DST: variants seen among roughly 807,000 people sequenced by gnomAD.
The protein encoded by DST is dystonin, also known as bullous pemphigoid antigen.
Under a neutral mutation model 875.2 loss-of-function variants are expected in DST, and 253 were observed. That is an observed-to-expected ratio of 0.29 (90% CI 0.26 to 0.32). The LOEUF (loss-of-function observed/expected upper bound fraction) is 0.32. DST is among the 10% of genes least tolerant of loss of function. DST has a pLI of 1.00. For missense variants in DST, 8,287 were observed against 9,111.6 expected (o/e 0.91, Z 3.68); for synonymous variants, 3,124 against 3,197.1 (o/e 0.98, Z 0.77).
chr6:56,542,346 C>A (rs1449965034), intron 61 of DST, among the ~76,000 whole-genome samples: 1 of 143,888 alleles, frequency 6.9e-6, no homozygotes, highest in Non-Finnish European at 1.5e-5. Context: ...GAAAAAAACA[C>A]CAGACTTTTA....
At chr6:56,636,856 C>T (rs1164350649) in intron 22 of DST, among the ~76,000 whole-genome samples, 1 of 152,058 alleles carries the variant, frequency 6.6e-6, no homozygotes, top group African/African-American at 2.4e-5. Flanking sequence ...CCAAGGCAGG[C>T]AGATCACCTG....
intron 2 of DST, among the ~76,000 whole-genome samples, chr6:56,946,827 A>C (rs1358764555): frequency 6.6e-6 from 1 of 152,202 alleles, no homozygotes; most frequent in Non-Finnish European, 1.5e-5. Flanking sequence ...ATAGGAGAGA[A>C]ATTTTAAAGG....
chr6:56,561,424 C>A lies in DST; in HGVS notation c.14194G>T (p.Glu4732Ter). 1 of 1,613,874 alleles carries A rather than the reference C, an allele frequency of 6.2e-7. No homozygotes were observed. ...KLSKLQKAQE[E>*]SSAMMQWLQK... ...AACCACTGCATCATTGCACTTGATT[C>A]TTCCTGAGCCTTTTGCAATTTGGAG... The change falls in exon 57 of 104, where the codon GAA becomes TAA. Residue 4732 changes from glutamate (E) to a stop codon, truncating the protein, a stop_gained. Transcript: ENST00000680361. LOFTEE classifies it high-confidence loss of function.
intron 17 of DST, among the ~76,000 whole-genome samples, chr6:56,640,996 T>A (rs2098892852): frequency 6.6e-6 from 1 of 152,200 alleles, no homozygotes; most frequent in Admixed American, 6.5e-5. Context: ...TATAGCATAA[T>A]ATGATCATTT....
chr6:56,597,032 G>A (rs1563066231), intron 47 of DST, among the ~76,000 whole-genome samples: 1 of 152,092 alleles, frequency 6.6e-6, no homozygotes, highest in Admixed American at 6.6e-5. Flanking sequence ...TTGAGCCCAG[G>A]ACTTCGAGAG....
chr6:56,776,729 A>G (rs75692122), intron 4 of DST, among the ~76,000 whole-genome samples: 9,386 of 152,244 alleles, frequency 0.062, 910 homozygotes, highest in African/African-American at 0.21. Context: ...GATTCACAAT[A>G]AAAAATATTG....
intron 9 of DST, chr6:56,692,274 G>A: frequency 2.0e-6 from 1 of 501,968 alleles, no homozygotes; most frequent in South Asian, 2.2e-5. Context: ...AAACTCTATG[G>A]CTTTTACATA....
intron 36 of DST, chr6:56,620,788 T>C (rs1563249544): frequency 7.2e-7 from 1 of 1,395,946 alleles, no homozygotes; most frequent in Non-Finnish European, 1.0e-6. Context: ...TCAATGTTCA[T>C]AAAAGTACTT....
intron 4 of DST, among the ~76,000 whole-genome samples, chr6:56,787,134 A>T (rs980318304): frequency 1.2e-4 from 18 of 152,216 alleles, no homozygotes; most frequent in Admixed American, 1.1e-3. Context: ...GACACAAAAA[A>T]TGGTCAAACT....
Position 56,628,182 on chromosome 6 carries a change from T to A in DST, c.4476-21A>T, listed in dbSNP as rs1362208756. 3 of 1,608,970 alleles carry A rather than the reference T, an allele frequency of 1.9e-6. No individual in the cohort carries two copies. The East Asian group carries it at 6.7e-5, about 36-fold the overall frequency. Reference sequence around the variant, plus strand: ...GTAACCTAAGAGAATAGTAACCGAATAGTCACGGTGTCCAGCGATATCCAT... The same window carrying A: ...GTAACCTAAGAGAATAGTAACCGAAAAGTCACGGTGTCCAGCGATATCCAT... On this transcript the variant is annotated intron_variant, in intron 32 of 103. Coordinates refer to ENST00000680361, the MANE Select transcript of DST (RefSeq NM_001374736.1).
At chr6:56,596,643 G>A (rs912974252) in intron 47 of DST, among the ~76,000 whole-genome samples, 1 of 152,028 alleles carries the variant, frequency 6.6e-6, no homozygotes, top group Non-Finnish European at 1.5e-5. Context: ...GGTTTAATTT[G>A]TATTTTCTAT....
Position 56,496,724 on chromosome 6 carries a change from T to C in DST, c.20223+655A>G, listed in dbSNP as rs1310278214. Among the ~76,000 whole-genome samples, 4 of 152,284 alleles carry C rather than the reference T, an allele frequency of 2.6e-5. No homozygotes were observed. The East Asian group carries it at 5.8e-4, about 22-fold the overall frequency. On this transcript the variant is annotated intron_variant, in intron 82 of 103. Coordinates refer to ENST00000680361, the MANE Select transcript of DST (RefSeq NM_001374736.1). ...CTAAAACATACTGACACACTAACCTTTGTGGCACTGTTCACAATAGCAAAG... is the reference window on the plus strand; with the variant it reads ...CTAAAACATACTGACACACTAACCTCTGTGGCACTGTTCACAATAGCAAAG...
chr6:56,620,239 A>T, intron 36 of DST: 3 of 1,613,906 alleles, frequency 1.9e-6, no homozygotes, highest in Non-Finnish European at 2.5e-6. Context: ...GTTGCTCCAA[A>T]TCATTGAGAC....
intron 2 of DST, among the ~76,000 whole-genome samples, chr6:56,938,488 A>C (rs1383202804): frequency 6.6e-6 from 1 of 152,176 alleles, no homozygotes; most frequent in East Asian, 1.9e-4. Context: ...CATACATATG[A>C]AAGCCAAGAA....
intron 8 of DST, among the ~76,000 whole-genome samples, chr6:56,700,414 T>C (rs952614885): frequency 3.9e-5 from 6 of 152,192 alleles, no homozygotes; most frequent in African/African-American, 1.4e-4. Context: ...AAAAATTTTG[T>C]CTTTTAAAAA....
chr6:56,515,075 T>A (rs955133751), intron 72 of DST, among the ~76,000 whole-genome samples: 1 of 152,242 alleles, frequency 6.6e-6, no homozygotes, highest in Non-Finnish European at 1.5e-5. Flanking sequence ...GGTTCTCCCA[T>A]ATATTTCCAC....
chr6:56,512,656 T>G (rs1010400754), intron 72 of DST, among the ~76,000 whole-genome samples: 1 of 152,218 alleles, frequency 6.6e-6, no homozygotes, highest in Non-Finnish European at 1.5e-5. Context: ...GTCACCAGGA[T>G]GGCCACATAC....
intron 3 of DST, chr6:56,852,047 C>G (rs1324446175): frequency 1.4e-6 from 2 of 1,422,824 alleles, no homozygotes; most frequent in East Asian, 5.1e-5. Flanking sequence ...GTTTCGAAAA[C>G]AAAGCACAAA....
intron 5 of DST, among the ~76,000 whole-genome samples, chr6:56,712,090 C>CAAAAAAAAAAA (rs34769867): frequency 7.1e-4 from 54 of 76,540 alleles, no homozygotes; most frequent in African/African-American, 1.8e-3. Flanking sequence ...GACTCCGTCT[C>CAAAAAAAAAAA]AAAAAAAAAA....
Sources: gnomAD v4.1 joint callset for allele counts (sites outside exome capture counted in the v4.1 genomes callset) on GRCh38, gnomAD v4.1.1 for gene constraint, MANE v1.5 for transcripts, NCBI Gene and HGNC (gene_info 2026-07-23, HGNC 2026-07-21) for gene names.